ZNF730: variants seen among roughly 807,000 people sequenced by gnomAD.
The protein encoded by ZNF730 is zinc finger protein 730.
In ZNF730, 12 loss-of-function variants were observed where a neutral mutation model predicts 12.6. The ratio of observed to expected loss-of-function variants is 0.95; its 90% CI spans 0.61 to 1.54. The LOEUF (loss-of-function observed/expected upper bound fraction) is 1.54, where lower values mean the gene tolerates loss of function less well. ZNF730 is among the 40% of genes most tolerant of loss of function. The probability of loss-of-function intolerance (pLI) is 0.00; values close to 1 mark genes in which losing one functional copy is unlikely to be tolerated. For synonymous variants in ZNF730, 194 were observed against 195.8 expected, an observed-to-expected ratio of 0.99 and a Z score of 0.08; for missense variants, 643 against 583.5, an observed-to-expected ratio of 1.10 and a Z score of -1.05.
At chr19:23,089,513 C>T (rs1568301856) in intron 1 of ZNF730, among the ~76,000 whole-genome samples, 3 of 151,908 alleles carry the variant, frequency 2.0e-5, no homozygotes, top group Admixed American at 6.6e-5. Context: ...CTGTTTTTTT[C>T]CTGTAGTATT....
intron 1 of ZNF730, among the ~76,000 whole-genome samples, chr19:23,108,034 G>A (rs529511165): frequency 6.4e-4 from 97 of 152,200 alleles, no homozygotes; most frequent in Middle Eastern, 6.8e-3. Flanking sequence ...TATGGAACTG[G>A]GTTGATTAAG....
At chr19:23,127,098 C>A (rs2145631664) in intron 1 of ZNF730, 2 of 508,314 alleles carry the variant, frequency 3.9e-6, no homozygotes, top group East Asian at 5.2e-5. Flanking sequence ...GGATCTTGTC[C>A]TTCTATGAGT....
chr19:23,107,475 A>AAAAAAAAAAAAAAAAAAAAAAAAAC (rs752480467), intron 1 of ZNF730, among the ~76,000 whole-genome samples: 1 of 118,932 alleles, frequency 8.4e-6, no homozygotes, highest in Non-Finnish European at 1.8e-5. Flanking sequence ...AAAAAAAAAA[A>AAAAAAAAAAAAAAAAAAAAAAAAAC]CCACCACAGC....
intron 3 of ZNF730, among the ~76,000 whole-genome samples, chr19:23,144,793 T>G (rs1470381973): frequency 6.6e-6 from 1 of 152,124 alleles, no homozygotes; most frequent in African/African-American, 2.4e-5. Context: ...TATTTTTTTG[T>G]CTCAGCAGGC....
chr19:23,130,264 C>G (rs1970730405), intron 1 of ZNF730, among the ~76,000 whole-genome samples: 1 of 152,088 alleles, frequency 6.6e-6, no homozygotes, highest in African/African-American at 2.4e-5. Flanking sequence ...GGGAGGTTTC[C>G]TGCACAAGCT....
intron 1 of ZNF730, among the ~76,000 whole-genome samples, chr19:23,085,735 C>T (rs1247362602): frequency 2.0e-5 from 3 of 149,886 alleles, no homozygotes; most frequent in Non-Finnish European, 3.0e-5. Context: ...AGGCTAGTCT[C>T]GAACTGCTGA....
intron 1 of ZNF730, among the ~76,000 whole-genome samples, chr19:23,078,293 T>C (rs1301697519): frequency 6.6e-6 from 1 of 151,296 alleles, no homozygotes; most frequent in Non-Finnish European, 1.5e-5. Context: ...TCCCGGAGAG[T>C]GATTTATATT....
At chr19:23,142,858 A>G (rs1970944446) in intron 3 of ZNF730, among the ~76,000 whole-genome samples, 1 of 150,350 alleles carries the variant, frequency 6.7e-6, no homozygotes, top group South Asian at 2.1e-4. Flanking sequence ...TGATTTTTGT[A>G]TTGATATGGT....
At chr19:23,108,113 A>G (rs1970416449) in intron 1 of ZNF730, among the ~76,000 whole-genome samples, 1 of 152,192 alleles carries the variant, frequency 6.6e-6, no homozygotes, top group Non-Finnish European at 1.5e-5. Flanking sequence ...CTAAAAGGCC[A>G]TGACTTAGCA....
At chr19:23,087,834 G>A (rs9676306) in intron 1 of ZNF730, among the ~76,000 whole-genome samples, 3 of 151,410 alleles carry the variant, frequency 2.0e-5, no homozygotes, top group East Asian at 2.0e-4. Flanking sequence ...GGCTGGTTTC[G>A]AACTCCCAAC....
At chr19:23,090,774 A>T (rs1970144718) in intron 1 of ZNF730, among the ~76,000 whole-genome samples, 1 of 152,108 alleles carries the variant, frequency 6.6e-6, no homozygotes, top group Non-Finnish European at 1.5e-5. Context: ...AGGTGGGTGG[A>T]TCACCTGAAG....
chr19:23,080,080 G>C (rs1170287094), intron 1 of ZNF730, among the ~76,000 whole-genome samples: 1 of 151,952 alleles, frequency 6.6e-6, no homozygotes, highest in African/African-American at 2.4e-5. Flanking sequence ...TGAGTAGCTG[G>C]GATTACAGGC....
At chr19:23,137,041 G>C (rs1038261331) in intron 3 of ZNF730, among the ~76,000 whole-genome samples, 1 of 151,990 alleles carries the variant, frequency 6.6e-6, no homozygotes, top group African/African-American at 2.4e-5. Flanking sequence ...GTGGTGGCAG[G>C]CACCTGTAAT....
chr19:23,111,265 A>T (rs535000591), intron 1 of ZNF730, among the ~76,000 whole-genome samples: 3 of 143,358 alleles, frequency 2.1e-5, no homozygotes, highest in African/African-American at 7.7e-5. Context: ...CTACCTGATG[A>T]GCCATTTAAA....
upstream of ZNF730, chr19:23,117,005 G>T: frequency 7.8e-7 from 1 of 1,283,994 alleles, no homozygotes; most frequent in Non-Finnish European, 1.1e-6. Context: ...CAGACAGGGC[G>T]GCTTCCGGGA....
At chr19:23,077,327 C>T (rs1969879921) in intron 1 of ZNF730, among the ~76,000 whole-genome samples, 1 of 151,606 alleles carries the variant, frequency 6.6e-6, no homozygotes, top group Non-Finnish European at 1.5e-5. Context: ...AACTCCTGAC[C>T]TCAGGTGATC....
intron 1 of ZNF730, among the ~76,000 whole-genome samples, chr19:23,093,002 T>G (rs1400357168): frequency 6.6e-6 from 1 of 152,156 alleles, no homozygotes; most frequent in Non-Finnish European, 1.5e-5. Context: ...TTGTTTTTGT[T>G]TTTTTGAGAC....
intron 1 of ZNF730, among the ~76,000 whole-genome samples, chr19:23,130,238 T>C (rs1402535466): frequency 6.6e-6 from 1 of 152,020 alleles, no homozygotes; most frequent in Non-Finnish European, 1.5e-5. Flanking sequence ...TCAGAATATA[T>C]AATGGTTGTA....
upstream of ZNF730, chr19:23,116,920 AGGGGG>A: frequency 1.6e-5 from 6 of 386,032 alleles, no homozygotes; most frequent in Non-Finnish European, 2.7e-5. Flanking sequence ...TCAGGGCCTG[AGGGGG>A]CGGGGCCTTA....
Sources: allele counts gnomAD v4.1 joint callset (sites outside exome capture counted in the v4.1 genomes callset), GRCh38; gene constraint gnomAD v4.1.1; transcripts MANE v1.5; gene names NCBI Gene and HGNC (gene_info 2026-07-23, HGNC 2026-07-21).